Variants in FNBP4 observed in about 807,000 individuals in gnomAD.
The protein encoded by FNBP4 is formin-binding protein 4.
In FNBP4, 34 loss-of-function variants were observed where a neutral mutation model predicts 119.3. The ratio of observed to expected loss-of-function variants is 0.28; its 90% CI spans 0.22 to 0.38. FNBP4 has a LOEUF of 0.38. Among genes scored for constraint, FNBP4 ranks in the 10% least tolerant of loss-of-function variants. The probability of loss-of-function intolerance (pLI) is 1.00; values close to 1 mark genes in which losing one functional copy is unlikely to be tolerated. For synonymous variants in FNBP4, 462 were observed against 430.6 expected (o/e 1.07, Z -0.90); for missense variants, 1,112 against 1,228.9 (o/e 0.90, Z 1.42).
At chr11:47,729,533 G>A (rs1200346516) in intron 12 of FNBP4, 1 of 982,844 alleles carries the variant, frequency 1.0e-6, no homozygotes. Flanking sequence ...TTTGAGACAG[G>A]GTCTTGTTCT....
intron 1 of FNBP4, among the ~76,000 whole-genome samples, chr11:47,766,667 G>T (rs2097648297): frequency 6.6e-6 from 1 of 152,238 alleles, no homozygotes; most frequent in Non-Finnish European, 1.5e-5. Context: ...TCCCCGTTTC[G>T]ACAAAACCGA....
At chr11:47,754,185 C>A (rs1252087057) in intron 3 of FNBP4, among the ~76,000 whole-genome samples, 1 of 145,110 alleles carries the variant, frequency 6.9e-6, no homozygotes, top group Non-Finnish European at 1.5e-5. Flanking sequence ...CGAGACTGGG[C>A]AACAGAGTGA....
intron 6 of FNBP4, among the ~76,000 whole-genome samples, chr11:47,749,189 T>C (rs1845610199): frequency 6.6e-6 from 1 of 152,074 alleles, no homozygotes; most frequent in South Asian, 2.1e-4. Context: ...CAGGACTGCT[T>C]GAGCTCAGGA....
intron 2 of FNBP4, among the ~76,000 whole-genome samples, chr11:47,759,130 C>T (rs1279300291): frequency 4.0e-5 from 6 of 151,058 alleles, no homozygotes; most frequent in African/African-American, 7.3e-5. Context: ...ATGTTGGCCA[C>T]GCTGGTCTCG....
intron 8 of FNBP4, among the ~76,000 whole-genome samples, chr11:47,742,347 C>T (rs1432632812): frequency 2.0e-5 from 3 of 151,054 alleles, no homozygotes; most frequent in Admixed American, 1.3e-4. Flanking sequence ...GGCATGGTAG[C>T]AGGCGCCTGT....
intron 16 of FNBP4, among the ~76,000 whole-genome samples, chr11:47,719,167 C>T (rs1486130921): frequency 6.6e-6 from 1 of 151,906 alleles, no homozygotes; most frequent in Non-Finnish European, 1.5e-5. Context: ...GGATTACAGG[C>T]GTGAGCCACC....
At chr11:47,741,740 C>A (rs906937629) in intron 8 of FNBP4, among the ~76,000 whole-genome samples, 1 of 151,790 alleles carries the variant, frequency 6.6e-6, no homozygotes, top group African/African-American at 2.4e-5. Context: ...CGCTTGAACT[C>A]GGAGGGTGGA....
At chr11:47,749,452 G>A (rs565527610) in intron 6 of FNBP4, among the ~76,000 whole-genome samples, 5 of 152,124 alleles carry the variant, frequency 3.3e-5, no homozygotes, top group African/African-American at 1.2e-4. Flanking sequence ...CAAGCTACTC[G>A]GGAAGTTGAG....
chr11:47,747,519 T>C (rs1384060055), intron 6 of FNBP4, among the ~76,000 whole-genome samples: 1 of 151,858 alleles, frequency 6.6e-6, no homozygotes, highest in Admixed American at 6.6e-5. Flanking sequence ...GTTGGCCAAG[T>C]TGATCTTGAA....
chr11:47,737,611 T>G (rs1036119325), intron 8 of FNBP4, among the ~76,000 whole-genome samples: 1 of 150,928 alleles, frequency 6.6e-6, no homozygotes, highest in Non-Finnish European at 1.5e-5. Flanking sequence ...AGCTAGTTTT[T>G]GTATTTTTAG....
At position 47,717,007 on chromosome 11, in the gene FNBP4, G is replaced by A. The variant is rs1405907491; in HGVS notation, c.*415C>T. On this transcript the variant is annotated 3_prime_UTR_variant, in exon 17 of 17. Coordinates refer to ENST00000263773, the MANE Select transcript of FNBP4 (RefSeq NM_015308.5). Reference sequence around the variant, plus strand: ...GACTAGAGAAAAGAGGCCAGAAAAAGCTTCAGACAATTCCAGTCAAGCAAG... The same window carrying A: ...GACTAGAGAAAAGAGGCCAGAAAAAACTTCAGACAATTCCAGTCAAGCAAG... The A allele has an allele frequency of 6.3e-6, 1 of 158,758 alleles. No individual in the cohort carries two copies. The highest frequency in any genetic ancestry group is 6.2e-5 in the Admixed American group (1 of 16,118). The allele number at this position is 158,758 out of a possible 1,614,324, so 9.8% of individuals were successfully genotyped here. A position where few individuals can be genotyped will look rare whatever the true frequency, so the allele number is the denominator to read the frequency against.
intron 9 of FNBP4, 90 bp downstream of exon 9, chr11:47,736,526 C>T (rs1243708349): frequency 2.7e-5 from 30 of 1,128,842 alleles, no homozygotes; most frequent in Non-Finnish European, 3.3e-5. Flanking sequence ...TGCCACTGCA[C>T]TCCAGCCTGG....
At chr11:47,731,245 T>C in intron 12 of FNBP4, 129 bp downstream of exon 12, 1 of 856,630 alleles carries the variant, frequency 1.2e-6, no homozygotes, top group East Asian at 2.9e-5. Context: ...TTCCTTGTTT[T>C]AGTTCACACC....
rs1384451866 is a variant in FNBP4, at chr11:47,767,273, G to A, written c.16C>T (p.Arg6Trp). The A allele has an allele frequency of 3.9e-6, 6 of 1,537,542 alleles. No homozygotes were observed. Among genetic ancestry groups the A allele is most frequent in the East Asian group, 4.9e-5 (2 of 41,188 alleles). Residue 6 changes from arginine (R) to tryptophan (W), a missense_variant, in exon 1 of 17, where the codon CGG becomes TGG. Physicochemically the swap from Arg to Trp is moderately radical, Grantham distance 101. Transcript: ENST00000263773. MGKKS[R>W]AVPGRRPILQ... ...ATGGGCCTACGGCCGGGTACCGCCCGGGACTTCTTCCCCATCGCGAGCCCA... is the reference window on the plus strand; with the variant it reads ...ATGGGCCTACGGCCGGGTACCGCCCAGGACTTCTTCCCCATCGCGAGCCCA...
intron 10 of FNBP4, among the ~76,000 whole-genome samples, chr11:47,733,805 T>A (rs1316465155): frequency 6.6e-6 from 1 of 152,200 alleles, no homozygotes; most frequent in African/African-American, 2.4e-5. Context: ...CATGGCCTCA[T>A]CTGACCATGA....
In FNBP4 at chr11:47,723,159, A is replaced by G. The variant is rs757484594; in HGVS notation, c.2622T>C (p.Tyr874=). 2.0e-5 allele frequency: 33 copies of G among 1,614,098 alleles called. No homozygotes were observed. Among genetic ancestry groups the G allele is most frequent in the Non-Finnish European group, 2.5e-5 (30 of 1,180,028 alleles). The change falls in exon 15 of 17, where the codon TAT becomes TAC. Residue 874 remains tyrosine (Y), a synonymous_variant. Coordinates refer to ENST00000263773, the MANE Select transcript of FNBP4 (RefSeq NM_015308.5). ...GLAAAPAIMS[Y]AECSVPIGVT... The stretch of plus-strand genomic sequence containing the variant: ...CTCCAATTGGGACAGAACATTCTGC[A>G]TAACTCATAATTGCAGGTGCTGCCG...
At chr11:47,762,405 G>A (rs1462618811) in intron 2 of FNBP4, among the ~76,000 whole-genome samples, 1 of 151,998 alleles carries the variant, frequency 6.6e-6, no homozygotes, top group Admixed American at 6.6e-5. Context: ...GGAATTACAC[G>A]CGTGAACCAC....
chr11:47,732,735 G>T lies in FNBP4; in HGVS notation c.1687-65C>A, dbSNP rs1565130858. On this transcript the variant is annotated intron_variant, in intron 10 of 16. Transcript: ENST00000263773. The surrounding 1 kb of genome is among the most constrained non-coding windows in gnomAD (Gnocchi z 4.2). ...CATGTCAGGAGACACAGGCAAAGGG[G>T]ATATAAACCTTCTGCTCCAAGACTA... The T allele has an allele frequency of 2.7e-6, 4 of 1,478,796 alleles. No homozygotes were observed. Among genetic ancestry groups the T allele is most frequent in the East Asian group, 2.3e-5 (1 of 43,948 alleles). 91.6% of individuals were successfully genotyped at this position (1,478,796 alleles called of 1,614,324 possible). A position where few individuals can be genotyped will look rare whatever the true frequency, so the allele number is the denominator to read the frequency against.
At chr11:47,754,813 A>G in intron 2 of FNBP4, 149 bp from the exon 3 acceptor site, 1 of 828,052 alleles carries the variant, frequency 1.2e-6, no homozygotes, top group Non-Finnish European at 1.8e-6. Flanking sequence ...CTACCACAGA[A>G]GAATAAATTA....
Sources: gnomAD v4.1 joint callset for allele counts (sites outside exome capture counted in the v4.1 genomes callset) on GRCh38, gnomAD v4.1.1 for gene constraint, Gnocchi (gnomAD v3.1) non-coding constraint, MANE v1.5 for transcripts, NCBI Gene and HGNC (gene_info 2026-07-23, HGNC 2026-07-21) for gene names.